NFIA: variants seen among roughly 807,000 people sequenced by gnomAD.
The protein encoded by NFIA is nuclear factor I A, also known as nuclear factor 1 A-type.
In NFIA, 8 loss-of-function variants were observed where a neutral mutation model predicts 62.8. That is an observed-to-expected ratio of 0.13 (90% CI 0.07 to 0.23). The LOEUF is 0.23. Among genes scored for constraint, NFIA ranks in the 10% least tolerant of loss-of-function variants. The pLI, the probability that NFIA is intolerant of heterozygous loss-of-function variation, is 1.00. For synonymous variants in NFIA, 235 were observed against 238.1 expected (o/e 0.99, Z 0.12); for missense variants, 410 against 642.1 (o/e 0.64, Z 3.91).
intron 2 of NFIA, among the ~76,000 whole-genome samples, chr1:61,256,367 C>CA (rs1369151184): frequency 6.9e-6 from 1 of 144,434 alleles, no homozygotes; most frequent in Non-Finnish European, 1.5e-5. Context: ...ACCGAGGAGA[C>CA]AGAGGTTGCA....
At chr1:61,428,327 C>T (rs922862048) in intron 10 of NFIA, among the ~76,000 whole-genome samples, 30 of 151,872 alleles carry the variant, frequency 2.0e-4, no homozygotes, top group African/African-American at 7.0e-4. Flanking sequence ...TCCAGATTTT[C>T]CACGCATCTG....
chr1:61,118,727 A>T (rs1646837178), intron 2 of NFIA, among the ~76,000 whole-genome samples: 1 of 150,648 alleles, frequency 6.6e-6, no homozygotes, highest in African/African-American at 2.4e-5. Flanking sequence ...ACTGAAGGCC[A>T]TTATGGCTGG....
At chr1:61,176,416 G>T (rs1570318032) in intron 2 of NFIA, among the ~76,000 whole-genome samples, 2 of 152,196 alleles carry the variant, frequency 1.3e-5, no homozygotes, top group South Asian at 4.1e-4. Flanking sequence ...GTCCTACCAG[G>T]TTCCCCTTTC....
intron 10 of NFIA, among the ~76,000 whole-genome samples, chr1:61,429,584 G>T (rs995736394): frequency 1.3e-5 from 2 of 152,122 alleles, no homozygotes; most frequent in Non-Finnish European, 2.9e-5. Context: ...CCCAAAAATG[G>T]CAAGCAAAGT....
chr1:61,229,261 TAGAA>T (rs1287478203), intron 2 of NFIA, among the ~76,000 whole-genome samples: 1 of 152,128 alleles, frequency 6.6e-6, no homozygotes, highest in African/African-American at 2.4e-5. Context: ...AAGATATTCT[TAGAA>T]AGATAAATTA....
At chr1:61,422,737 G>A (rs1244773741) in intron 9 of NFIA, among the ~76,000 whole-genome samples, 6 of 119,734 alleles carry the variant, frequency 5.0e-5, no homozygotes, top group South Asian at 2.9e-4. Flanking sequence ...CGAGACCCCC[G>A]TCTCTATTTA....
intron 2 of NFIA, among the ~76,000 whole-genome samples, chr1:61,222,254 G>A (rs1570406715): frequency 6.6e-6 from 1 of 152,220 alleles, no homozygotes; most frequent in South Asian, 2.1e-4. Flanking sequence ...TCATAGCAAT[G>A]ATGTAAAATA....
chr1:61,448,463 C>T (rs1235655646), intron 10 of NFIA, among the ~76,000 whole-genome samples: 1 of 152,100 alleles, frequency 6.6e-6, no homozygotes, highest in Non-Finnish European at 1.5e-5. Context: ...ACCCTAAGGC[C>T]CCAGAAACCG....
intron 2 of NFIA, among the ~76,000 whole-genome samples, chr1:61,176,961 C>T (rs978350820): frequency 6.6e-6 from 1 of 151,996 alleles, no homozygotes; most frequent in Admixed American, 6.6e-5. Context: ...AAAAAATTAG[C>T]TGGGCATGGT....
intron 2 of NFIA, among the ~76,000 whole-genome samples, chr1:61,256,266 C>T (rs1384129391): frequency 6.6e-6 from 1 of 151,826 alleles, no homozygotes; most frequent in Non-Finnish European, 1.5e-5. Context: ...AACCCCATCT[C>T]TACTAAAAAT....
chr1:61,115,410 T>TA (rs772812525), intron 2 of NFIA, among the ~76,000 whole-genome samples: 14 of 152,170 alleles, frequency 9.2e-5, no homozygotes, highest in Non-Finnish European at 1.3e-4. Context: ...AGAGGCAAAA[T>TA]GTATTAAATG....
intron 7 of NFIA, among the ~76,000 whole-genome samples, chr1:61,387,141 G>A (rs1664732386): frequency 6.6e-6 from 1 of 152,170 alleles, no homozygotes; most frequent in Admixed American, 6.5e-5. Context: ...GCCTATAGCA[G>A]TGGTTAAGCA....
At chr1:61,247,061 A>G (rs527550338) in intron 2 of NFIA, among the ~76,000 whole-genome samples, 1 of 152,264 alleles carries the variant, frequency 6.6e-6, no homozygotes, top group East Asian at 1.9e-4. Flanking sequence ...AGTAATTTTC[A>G]TACATCATCT....
intron 7 of NFIA, among the ~76,000 whole-genome samples, chr1:61,384,496 G>A (rs116131195): frequency 0.01 from 1,586 of 152,210 alleles, 29 homozygotes; most frequent in African/African-American, 0.036. Flanking sequence ...TCTTTCATTT[G>A]TGTATTATGT....
intron 9 of NFIA, among the ~76,000 whole-genome samples, chr1:61,407,940 T>C (rs1665927157): frequency 1.3e-5 from 2 of 152,056 alleles, no homozygotes; most frequent in Admixed American, 1.3e-4. Flanking sequence ...GGAATAATAA[T>C]GATAGTGAAT....
chr1:61,318,415 C>T (rs1000134410), intron 3 of NFIA, among the ~76,000 whole-genome samples: 1 of 152,132 alleles, frequency 6.6e-6, no homozygotes, highest in Non-Finnish European at 1.5e-5. Flanking sequence ...ATTAGGTCAG[C>T]CTTCTGGAAC....
chr1:61,142,764 T>G (rs1647628513), intron 2 of NFIA, among the ~76,000 whole-genome samples: 1 of 152,184 alleles, frequency 6.6e-6, no homozygotes, highest in Admixed American at 6.5e-5. Context: ...TGTGTTGCCT[T>G]TAGTTTTTCC....
In NFIA at chr1:61,341,054, G is replaced by A. The variant is rs1360340678; in HGVS notation, c.700+8468G>A. On this transcript the variant is annotated intron_variant, in intron 4 of 10. Transcript: ENST00000403491. ...AAACCACACCTGGGTCATCTGTACC[G>A]GCATTCTTTTTTTTTTTTTTTTTTT... Among the ~76,000 whole-genome samples, 7 of 145,734 alleles carry A rather than the reference G, an allele frequency of 4.8e-5. No homozygotes were observed. In the East Asian group the frequency reaches 1.2e-3, roughly 25 times the overall value.
intron 2 of NFIA, among the ~76,000 whole-genome samples, chr1:61,175,588 T>G (rs1165203374): frequency 6.6e-6 from 1 of 152,218 alleles, no homozygotes; most frequent in Non-Finnish European, 1.5e-5. Flanking sequence ...CCATACCTCC[T>G]CCAGGTCCTC....
Sources: gnomAD v4.1 joint callset for allele counts (sites outside exome capture counted in the v4.1 genomes callset) on GRCh38, gnomAD v4.1.1 for gene constraint, MANE v1.5 for transcripts, NCBI Gene and HGNC (gene_info 2026-07-23, HGNC 2026-07-21) for gene names.